Variants in CLINT1 observed in about 807,000 individuals in gnomAD.
CLINT1 encodes the protein clathrin interacting protein localized in the trans-Golgi region.
CLINT1 carries 15 observed loss-of-function variants against 70.4 expected under a neutral mutation model. The observed-to-expected ratio is 0.21, with a 90% confidence interval of 0.14 to 0.33. The LOEUF is 0.33. Ranked by LOEUF, CLINT1 falls within the 10% of genes least tolerant of loss-of-function variation. CLINT1 has a pLI of 1.00. For synonymous variants in CLINT1, 227 were observed against 254.7 expected (o/e 0.89, Z 1.04); for missense variants, 615 against 778.1 (o/e 0.79, Z 2.49).
At chr5:157,818,808 G>A (rs983955189) in intron 1 of CLINT1, among the ~76,000 whole-genome samples, 17 of 152,230 alleles carry the variant, frequency 1.1e-4, no homozygotes, top group African/African-American at 4.1e-4. Context: ...ATGCTTATAT[G>A]AATTTAAGAA....
At chr5:157,853,981 C>G (rs1363947991) in intron 1 of CLINT1, among the ~76,000 whole-genome samples, 1 of 151,980 alleles carries the variant, frequency 6.6e-6, no homozygotes, top group Non-Finnish European at 1.5e-5. Flanking sequence ...TTCCTAATAT[C>G]TACTTGTGTC....
intron 1 of CLINT1, among the ~76,000 whole-genome samples, chr5:157,836,011 AC>A (rs1763409217): frequency 6.6e-6 from 1 of 152,224 alleles, no homozygotes; most frequent in Admixed American, 6.5e-5. Flanking sequence ...TTTTATATAG[AC>A]AATTTTCACT....
chr5:157,849,305 C>T (rs182980014), intron 1 of CLINT1, among the ~76,000 whole-genome samples: 2 of 152,324 alleles, frequency 1.3e-5, no homozygotes, highest in East Asian at 3.9e-4. Context: ...AGATTTTCCA[C>T]CAGCAGAATG....
At chr5:157,842,240 C>G (rs1581537624) in intron 1 of CLINT1, among the ~76,000 whole-genome samples, 1 of 152,230 alleles carries the variant, frequency 6.6e-6, no homozygotes, top group Non-Finnish European at 1.5e-5. Context: ...GGGACACCCA[C>G]TACCAACAAT....
chr5:157,819,016 A>AC (rs1332778781), intron 1 of CLINT1, among the ~76,000 whole-genome samples: 1 of 152,160 alleles, frequency 6.6e-6, no homozygotes, highest in Non-Finnish European at 1.5e-5. Context: ...ACATGCATAT[A>AC]CCCCACTTTT....
chr5:157,857,550 G>A (rs1753798876), intron 1 of CLINT1, among the ~76,000 whole-genome samples: 1 of 152,126 alleles, frequency 6.6e-6, no homozygotes, highest in East Asian at 1.9e-4. Flanking sequence ...AGTTTCAAAA[G>A]TACACTAATA....
At chr5:157,814,138 C>CAGGAGT in intron 4 of CLINT1, 47 bp downstream of exon 4, 1 of 1,254,390 alleles carries the variant, frequency 8.0e-7, no homozygotes, top group East Asian at 2.5e-5. Context: ...TGACTGACAA[C>CAGGAGT]TCCAACTACT....
rs1761717793 is a variant in CLINT1 at position 157,786,022 on chromosome 5, C to G, written c.*1624G>C. 6.6e-6 allele frequency: 1 copy of G among 152,188 alleles called. No individual in the cohort carries two copies. The highest frequency in any genetic ancestry group is 1.9e-4 in the East Asian group (1 of 5,204). 9.4% of individuals were successfully genotyped at this position (152,188 alleles called of 1,614,324 possible). A position where few individuals can be genotyped will look rare whatever the true frequency, so the allele number is the denominator to read the frequency against. On this transcript the variant is annotated 3_prime_UTR_variant, in exon 12 of 12. Coordinates refer to ENST00000411809, the MANE Select transcript of CLINT1 (RefSeq NM_014666.4). Reference sequence around the variant, plus strand: ...CTCATCTCTTATTCAGCAAATGAATCACTTTTCATTACCACTTAGCTGAAG... The same window carrying G: ...CTCATCTCTTATTCAGCAAATGAATGACTTTTCATTACCACTTAGCTGAAG...
At chr5:157,796,256 A>G (rs2113144030) in intron 8 of CLINT1, 1 of 152,290 alleles carries the variant, frequency 6.6e-6, no homozygotes, top group South Asian at 2.1e-4. Context: ...CTGCAAATCA[A>G]TCTCTGTGTG....
intron 6 of CLINT1, among the ~76,000 whole-genome samples, chr5:157,807,539 G>C (rs1762424898): frequency 6.6e-6 from 1 of 152,050 alleles, no homozygotes; most frequent in South Asian, 2.1e-4. Flanking sequence ...CATGCCATCA[G>C]GATTGAGGTC....
chr5:157,800,613 T>A (rs1038710289), intron 8 of CLINT1, among the ~76,000 whole-genome samples: 1 of 152,184 alleles, frequency 6.6e-6, no homozygotes, highest in African/African-American at 2.4e-5. Context: ...ACTTTAATTT[T>A]AAAAAATTCT....
intron 1 of CLINT1, among the ~76,000 whole-genome samples, chr5:157,839,476 G>A (rs1241208236): frequency 4.2e-4 from 64 of 152,060 alleles, no homozygotes; most frequent in Non-Finnish European, 4.4e-5. Context: ...TAGCAGGCAG[G>A]CACCTGTAAT....
intron 5 of CLINT1, among the ~76,000 whole-genome samples, chr5:157,811,004 A>G (rs925530470): frequency 2.6e-5 from 4 of 152,240 alleles, no homozygotes; most frequent in African/African-American, 9.6e-5. Flanking sequence ...AAAACATGAC[A>G]AAATGAAGTT....
In CLINT1 at chr5:157,853,499, G is replaced by A. The variant is rs748447341; in HGVS notation, c.41+5431C>T. Reference sequence around the variant, plus strand: ...CAGATGAAAAACTGCTTTGTAGGCCGGGCACGGAGGCTCACGCCTGTAATC... The same window carrying A: ...CAGATGAAAAACTGCTTTGTAGGCCAGGCACGGAGGCTCACGCCTGTAATC... On this transcript the variant is annotated intron_variant, in intron 1 of 11. Transcript: ENST00000411809. 9.3e-5 allele frequency among the ~76,000 whole-genome samples: 14 copies of A among 150,234 alleles called. No individual in the cohort carries two copies. In the South Asian group the frequency reaches 1.1e-3, roughly 11 times the overall value.
At chr5:157,803,171 C>T (rs1170510260) in intron 8 of CLINT1, among the ~76,000 whole-genome samples, 3 of 152,092 alleles carry the variant, frequency 2.0e-5, no homozygotes, top group Non-Finnish European at 2.9e-5. Context: ...AAAGTAAAGG[C>T]AACAGTTTAA....
At chr5:157,803,062 A>T (rs1280185203) in intron 8 of CLINT1, among the ~76,000 whole-genome samples, 5 of 152,360 alleles carry the variant, frequency 3.3e-5, no homozygotes, top group Admixed American at 3.3e-4. Flanking sequence ...AAAAGAATAA[A>T]AAGTTAAATG....
chr5:157,857,670 A>G (rs1753802359), intron 1 of CLINT1, among the ~76,000 whole-genome samples: 1 of 152,194 alleles, frequency 6.6e-6, no homozygotes, highest in Non-Finnish European at 1.5e-5. Context: ...TACCAGAGAA[A>G]ACTAGGGCAC....
chr5:157,831,613 AG>A (rs1027866730), intron 1 of CLINT1, among the ~76,000 whole-genome samples: 4 of 151,964 alleles, frequency 2.6e-5, no homozygotes, highest in African/African-American at 9.7e-5. Context: ...CATTGTTCAT[AG>A]GGGCCAATTA....
At chr5:157,811,768 A>G (rs1466619308) in intron 5 of CLINT1, among the ~76,000 whole-genome samples, 1 of 152,192 alleles carries the variant, frequency 6.6e-6, no homozygotes, top group Admixed American at 6.5e-5. Context: ...TGGCAAAAAG[A>G]AAGATACAAG....
Sources: allele counts gnomAD v4.1 joint callset (sites outside exome capture counted in the v4.1 genomes callset), GRCh38; gene constraint gnomAD v4.1.1; transcripts MANE v1.5; gene names NCBI Gene and HGNC (gene_info 2026-07-23, HGNC 2026-07-21).